The following LAMB3 variants were observed in gnomAD, a reference collection of about 807,000 sequenced individuals.
LAMB3 encodes laminin subunit beta 3, also known as laminin subunit beta-3.
In LAMB3, 104 loss-of-function variants were observed where a neutral mutation model predicts 140.3. The observed-to-expected ratio is 0.74, with a 90% CI of 0.63 to 0.87. The LOEUF (loss-of-function observed/expected upper bound fraction) is 0.87. Ranked by LOEUF, LAMB3 falls within the 40% of genes least tolerant of loss-of-function variation. The pLI is 0.00. For missense variants in LAMB3, 1,531 were observed against 1,575.2 expected (o/e 0.97, Z 0.47); for synonymous variants, 592 against 602.9 (o/e 0.98, Z 0.26).
At position 209,634,474 on chromosome 1, in the gene LAMB3, C is replaced by A; in HGVS notation, c.537G>T (p.Arg179Ser). 6.2e-7 allele frequency: 1 copy of A among 1,614,126 alleles called. No individual in the cohort carries two copies. Among genetic ancestry groups the A allele is most frequent in the Non-Finnish European group, 8.5e-7 (1 of 1,180,016 alleles). Residue 179 changes from arginine to serine, a missense_variant, in exon 6 of 23, where the codon AGG becomes AGT. Coordinates refer to ENST00000356082, the MANE Select transcript of LAMB3 (RefSeq NM_000228.3). ...QDVRCQSLPQ[R>S]PNARLNGGKV... ...TCCCCCCATTTAGGCGTGCATTAGG[C>A]CTCTGAGGCAGGGACTGGCACCGAA...
chr1:209,642,992 C>G (rs1178545113), intron 3 of LAMB3, among the ~76,000 whole-genome samples: 1 of 152,212 alleles, frequency 6.6e-6, no homozygotes, highest in Non-Finnish European at 1.5e-5. Context: ...CATAGGCTTA[C>G]AAACTGCATG....
intron 18 of LAMB3, among the ~76,000 whole-genome samples, chr1:209,622,090 C>A (rs1666216749): frequency 1.3e-5 from 2 of 152,154 alleles, no homozygotes; most frequent in African/African-American, 4.8e-5. Flanking sequence ...AGACAAAGAG[C>A]AAATAAACAT....
chr1:209,626,988 G>A lies in LAMB3; in HGVS notation c.1486-10C>T, dbSNP rs1666484318. The A allele has an allele frequency of 6.3e-7, 1 of 1,591,128 alleles. No homozygotes were observed. The highest frequency in any genetic ancestry group is 8.6e-7 in the Non-Finnish European group (1 of 1,161,222). The stretch of plus-strand genomic sequence containing the variant: ...GGCACTGCCCTGTGAACTGCGTGGG[G>A]AGAGCACCGTCAGTGGACCCTGCCT... On this transcript the variant is annotated splice_polypyrimidine_tract_variant and intron_variant, in intron 12 of 22. Transcript: ENST00000356082.
At position 209,627,434 on chromosome 1, in the gene LAMB3, A is replaced by G; in HGVS notation, c.1434T>C (p.Cys478=). 1 of 1,613,900 alleles carries G rather than the reference A, an allele frequency of 6.2e-7. No individual in the cohort carries two copies. Among genetic ancestry groups the G allele is most frequent in the African/African-American group, 1.3e-5 (1 of 75,030 alleles). Reference sequence around the variant, plus strand: ...TGTGCGGGTCGCAGGCACACGGTTCACAGCCCTGGCCACTGGCCAGCTTCC... The same window carrying G: ...TGTGCGGGTCGCAGGCACACGGTTCGCAGCCCTGGCCACTGGCCAGCTTCC... ...YHWKLASGQG[C]EPCACDPHNS... The change falls in exon 12 of 23, where the codon TGT becomes TGC. Residue 478 remains cysteine (C), a synonymous_variant. Transcript: ENST00000356082.
At chr1:209,649,905 T>C in intron 3 of LAMB3, 59 bp downstream of exon 3, 1 of 1,581,984 alleles carries the variant, frequency 6.3e-7, no homozygotes, top group Non-Finnish European at 8.7e-7. Flanking sequence ...AGTGGACAAA[T>C]GGCAGCTCAC....
chr1:209,632,537 C>T (rs1327929646), intron 8 of LAMB3, 46 bp downstream of exon 8: 1 of 1,524,792 alleles, frequency 6.6e-7, no homozygotes, highest in Non-Finnish European at 9.1e-7. Context: ...TGTAGTCTGC[C>T]CTGGTCCTGC....
intron 5 of LAMB3, among the ~76,000 whole-genome samples, chr1:209,637,648 G>A (rs1258987631): frequency 1.3e-5 from 2 of 152,212 alleles, no homozygotes; most frequent in Admixed American, 6.5e-5. Flanking sequence ...ATTGGTACTT[G>A]GCAGAGCTGA....
rs201090159 is a variant in LAMB3 at position 209,622,724 on chromosome 1, G to C, written c.2557-44C>G. The C allele has an allele frequency of 1.3e-3, 2,119 of 1,612,564 alleles. 8 individuals are homozygous for C. The highest frequency in any genetic ancestry group is 2.8e-3 in the South Asian group (251 of 91,022). ...GGTCAGAAGGGGTAAGGCCCCAAGGGAACCTCTCAGCAGCCCCACGATTCT... is the reference window on the plus strand; with the variant it reads ...GGTCAGAAGGGGTAAGGCCCCAAGGCAACCTCTCAGCAGCCCCACGATTCT... On this transcript the variant is annotated intron_variant, in intron 17 of 22. Coordinates refer to ENST00000356082, the MANE Select transcript of LAMB3 (RefSeq NM_000228.3).
chr1:209,622,925 G>C (rs1666256079), intron 17 of LAMB3, 57 bp downstream of exon 17: 1 of 1,581,576 alleles, frequency 6.3e-7, no homozygotes. Flanking sequence ...CTTGCCCGGG[G>C]GATCTATCCT....
chr1:209,635,694 T>C (rs1048160007), intron 5 of LAMB3, among the ~76,000 whole-genome samples: 4 of 152,176 alleles, frequency 2.6e-5, no homozygotes, highest in Non-Finnish European at 5.9e-5. Context: ...TGAGCCACTG[T>C]GCCCAGCTAA....
chr1:209,617,623 G>A, intron 20 of LAMB3, 37 bp from the exon 21 acceptor site: 1 of 1,609,708 alleles, frequency 6.2e-7, no homozygotes. Context: ...TTTGTGGTGG[G>A]TCTCATAGGT....
intron 10 of LAMB3, among the ~76,000 whole-genome samples, chr1:209,629,420 T>A (rs539062331): frequency 6.6e-6 from 1 of 152,360 alleles, no homozygotes; most frequent in African/African-American, 2.4e-5. Context: ...CTTCTGCAGG[T>A]GTATACAGTT....
chr1:209,644,068 GAGA>G (rs540203207), intron 3 of LAMB3, among the ~76,000 whole-genome samples: 143 of 152,322 alleles, frequency 9.4e-4, no homozygotes, highest in African/African-American at 3.3e-3. Flanking sequence ...TATGGACAGG[GAGA>G]AGGAGATCCT....
chr1:209,639,765 T>G (rs1044605542), intron 3 of LAMB3, among the ~76,000 whole-genome samples: 1 of 152,174 alleles, frequency 6.6e-6, no homozygotes, highest in African/African-American at 2.4e-5. Context: ...CCAAACCCTG[T>G]GCGCAGCTTA....
chr1:209,629,958 AC>A, intron 9 of LAMB3, 33 bp from the exon 10 acceptor site: 1 of 1,601,720 alleles, frequency 6.2e-7, no homozygotes, highest in Non-Finnish European at 8.6e-7. Context: ...CTGACATCTG[AC>A]CCACACCTTT....
intron 2 of LAMB3, among the ~76,000 whole-genome samples, chr1:209,650,699 G>A (rs149695673): frequency 3.0e-4 from 46 of 152,326 alleles, no homozygotes; most frequent in African/African-American, 1.1e-3. Flanking sequence ...AGAATAAGAA[G>A]ACATTTGGGA....
rs754799781 is a variant in LAMB3, at chr1:209,623,150, G to A, written c.2388C>T (p.Cys796=). The A allele has an allele frequency of 6.2e-6, 10 of 1,614,088 alleles. No individual in the cohort carries two copies. The highest frequency in any genetic ancestry group is 7.6e-6 in the Non-Finnish European group (9 of 1,180,042). Residue 796 remains cysteine (C), a synonymous_variant, in exon 17 of 23, where the codon TGC becomes TGT. Transcript: ENST00000356082. This position sits in a 1 kb window ranked among gnomAD's most constrained non-coding sequence, Gnocchi z 4.2. ...GCTCACCAGGGCATGATATTGGGGTGCAAGCCATCTGCCTGGAGTTGCCAC... is the reference window on the plus strand; with the variant it reads ...GCTCACCAGGGCATGATATTGGGGTACAAGCCATCTGCCTGGAGTTGCCAC... ...KLCGNSRQMA[C]TPISCPGELC... is the part of the protein sequence containing the mutation.
At chr1:209,624,779 C>G (rs564337119) in intron 14 of LAMB3, among the ~76,000 whole-genome samples, 1 of 152,008 alleles carries the variant, frequency 6.6e-6, no homozygotes, top group Non-Finnish European at 1.5e-5. Flanking sequence ...GCTTCTTGAG[C>G]GCAAAGATTA....
chr1:209,616,446 C>A (rs778356302), intron 22 of LAMB3, 25 bp downstream of exon 22: 1 of 1,613,772 alleles, frequency 6.2e-7, no homozygotes, highest in East Asian at 2.2e-5. Flanking sequence ...GCCCAATAGT[C>A]CATGCCCCTA....
Sources: gnomAD v4.1 joint callset for allele counts (sites outside exome capture counted in the v4.1 genomes callset) on GRCh38, gnomAD v4.1.1 for gene constraint, Gnocchi (gnomAD v3.1) non-coding constraint, MANE v1.5 for transcripts, NCBI Gene and HGNC (gene_info 2026-07-23, HGNC 2026-07-21) for gene names.